Variants in DNM3 observed in about 807,000 individuals in gnomAD.
The protein encoded by DNM3 is dynamin-3.
DNM3 carries 47 observed loss-of-function variants against 101.6 expected under a neutral mutation model. The ratio of observed to expected loss-of-function variants is 0.46; its 90% CI spans 0.37 to 0.59. The LOEUF (loss-of-function observed/expected upper bound fraction) is 0.59, where lower values mean the gene tolerates loss of function less well. DNM3 is among the 20% of genes least tolerant of loss of function. The pLI is 0.00. For missense variants in DNM3, 849 were observed against 1,085.7 expected, an observed-to-expected ratio of 0.78 and a Z score of 3.06; for synonymous variants, 385 against 387.9, an observed-to-expected ratio of 0.99 and a Z score of 0.09.
chr1:171,946,017 CAGGG>C (rs1217943674), intron 2 of DNM3, among the ~76,000 whole-genome samples: 1 of 152,094 alleles, frequency 6.6e-6, no homozygotes, highest in Non-Finnish European at 1.5e-5. Context: ...GCTGGAGAGA[CAGGG>C]AGGGGAAGAT....
At chr1:172,183,627 G>A (rs180768759) in intron 14 of DNM3, among the ~76,000 whole-genome samples, 1 of 151,942 alleles carries the variant, frequency 6.6e-6, no homozygotes, top group Non-Finnish European at 1.5e-5. Flanking sequence ...TTGTGATAGG[G>A]TCTCACCCTG....
intron 17 of DNM3, among the ~76,000 whole-genome samples, chr1:172,352,828 T>A (rs926116863): frequency 6.6e-6 from 1 of 152,202 alleles, no homozygotes; most frequent in African/African-American, 2.4e-5. Flanking sequence ...ACCTGCCCTC[T>A]GAATCCTGAG....
At chr1:172,062,605 C>A (rs1175968305) in intron 10 of DNM3, among the ~76,000 whole-genome samples, 2 of 152,194 alleles carry the variant, frequency 1.3e-5, no homozygotes, top group Non-Finnish European at 2.9e-5. Flanking sequence ...TAACACTAGC[C>A]CACTTGGTCC....
intron 17 of DNM3, among the ~76,000 whole-genome samples, chr1:172,350,613 A>G (rs1045109201): frequency 1.3e-5 from 2 of 152,188 alleles, no homozygotes; most frequent in African/African-American, 4.8e-5. Context: ...ATCTTTTAGA[A>G]TATCAGAGCC....
At chr1:172,056,788 TCTC>T (rs2050668710) in intron 10 of DNM3, among the ~76,000 whole-genome samples, 1 of 152,060 alleles carries the variant, frequency 6.6e-6, no homozygotes, top group African/African-American at 2.4e-5. Context: ...GCAGAGTGCC[TCTC>T]CTCCTCCAAA....
At chr1:172,217,544 C>T (rs970581047) in intron 14 of DNM3, among the ~76,000 whole-genome samples, 2 of 152,226 alleles carry the variant, frequency 1.3e-5, no homozygotes, top group East Asian at 3.9e-4. Flanking sequence ...TTTGTCTTCA[C>T]ACTTTATTTT....
chr1:171,951,911 G>C (rs1396468796), intron 2 of DNM3, among the ~76,000 whole-genome samples: 1 of 152,152 alleles, frequency 6.6e-6, no homozygotes, highest in African/African-American at 2.4e-5. Context: ...ATACATAGCA[G>C]GTGTACATTG....
chr1:171,935,879 G>T (rs1209988617), intron 2 of DNM3, among the ~76,000 whole-genome samples: 1 of 140,582 alleles, frequency 7.1e-6, no homozygotes, highest in African/African-American at 2.6e-5. Flanking sequence ...CTGTTTACTG[G>T]TTAAGCCATG....
intron 6 of DNM3, among the ~76,000 whole-genome samples, chr1:172,034,629 G>T (rs2048831819): frequency 6.6e-6 from 1 of 151,724 alleles, no homozygotes; most frequent in African/African-American, 2.4e-5. Context: ...CTCCTTTCCT[G>T]GATAATCACT....
intron 17 of DNM3, among the ~76,000 whole-genome samples, chr1:172,350,976 T>C (rs2148983854): frequency 6.6e-6 from 1 of 152,308 alleles, no homozygotes; most frequent in South Asian, 2.1e-4. Flanking sequence ...TGAAATTCAT[T>C]TGCATCCACT....
chr1:172,352,028 T>C (rs892434379), intron 17 of DNM3, among the ~76,000 whole-genome samples: 4 of 152,208 alleles, frequency 2.6e-5, no homozygotes, highest in Non-Finnish European at 5.9e-5. Context: ...ATTGTGGTTT[T>C]ACACAGCTTC....
intron 15 of DNM3, among the ~76,000 whole-genome samples, chr1:172,257,524 A>C (rs937021105): frequency 5.3e-5 from 8 of 152,028 alleles, no homozygotes; most frequent in Non-Finnish European, 1.2e-4. Flanking sequence ...TTTGCCTTAA[A>C]ATTTATTTTG....
chr1:171,989,148 G>C lies in DNM3; in HGVS notation c.589G>C (p.Gly197Arg). The C allele has an allele frequency of 6.2e-7, 1 of 1,612,242 alleles. No individual in the cohort carries two copies. Among genetic ancestry groups the C allele is most frequent in the South Asian group, 1.1e-5 (1 of 90,728 alleles). The stretch of plus-strand genomic sequence containing the variant: ...GCTAGCTAAAGAAGTTGATCCTCAA[G>C]GTGAGTGTGTGACTACTAAGATGAG... ...LKLAKEVDPQ[G>R]LRTIGVITKL... is the part of the protein sequence containing the mutation. Residue 197 changes from glycine to arginine, a missense_variant and splice_region_variant, in exon 4 of 21, where the codon GGT becomes CGT. This residue lies in a region of DNM3 where 388 missense variants were observed against 483.0 expected (regional missense o/e 0.80). Transcript: ENST00000627582.
chr1:172,179,756 C>G (rs900336722), intron 14 of DNM3, among the ~76,000 whole-genome samples: 3 of 151,948 alleles, frequency 2.0e-5, no homozygotes, highest in Non-Finnish European at 4.4e-5. Flanking sequence ...TACTGGGTGA[C>G]TACTCTGTAA....
intron 17 of DNM3, among the ~76,000 whole-genome samples, chr1:172,334,069 T>C (rs897672524): frequency 1.3e-5 from 2 of 152,140 alleles, no homozygotes; most frequent in African/African-American, 2.4e-5. Context: ...TAAGAAAGGA[T>C]CAGCTTTTCG....
intron 17 of DNM3, among the ~76,000 whole-genome samples, chr1:172,357,236 G>A (rs2148998743): frequency 6.6e-6 from 1 of 152,156 alleles, no homozygotes; most frequent in East Asian, 1.9e-4. Flanking sequence ...AAAGTATGAT[G>A]AGAAACAGGA....
rs553952684 is a variant in DNM3 at position 171,951,461 on chromosome 1, G to A, written c.235+29640G>A. On this transcript the variant is annotated intron_variant, in intron 2 of 20. Coordinates refer to ENST00000627582, the MANE Select transcript of DNM3 (RefSeq NM_015569.5). ...CTACTTGATTTTCTCTTCTTTAACT[G>A]TGCTTATGTTTGGCAAAACCATTCT... 3.0e-4 allele frequency among the ~76,000 whole-genome samples: 45 copies of A among 152,180 alleles called. No homozygotes were observed. The South Asian group carries it at 9.2e-3, about 31-fold the overall frequency.
rs1486421069 is a variant in DNM3 at position 172,247,580 on chromosome 1, A to G, written c.1660-5993A>G. Among the ~76,000 whole-genome samples, 6 of 152,066 alleles carry G rather than the reference A, an allele frequency of 3.9e-5. No homozygotes were observed. The East Asian group carries it at 1.2e-3, about 29-fold the overall frequency. On this transcript the variant is annotated intron_variant, in intron 14 of 20. Coordinates refer to ENST00000627582, the MANE Select transcript of DNM3 (RefSeq NM_015569.5). ...AATTAATTTGGTGCCATTAGTGCAT[A>G]TTTAAAAAACATATTTGGTGCCATT...
At chr1:171,963,889 T>C (rs2043388927) in intron 2 of DNM3, among the ~76,000 whole-genome samples, 1 of 151,998 alleles carries the variant, frequency 6.6e-6, no homozygotes, top group Non-Finnish European at 1.5e-5. Flanking sequence ...GATGACTCTC[T>C]TGTCAAAGGC....
Sources: gnomAD v4.1 joint callset for allele counts (sites outside exome capture counted in the v4.1 genomes callset) on GRCh38, gnomAD v4.1.1 for gene constraint, gnomAD v4.1.1 regional missense constraint, MANE v1.5 for transcripts, NCBI Gene and HGNC (gene_info 2026-07-23, HGNC 2026-07-21) for gene names.